Variants in STRN observed in about 807,000 individuals in gnomAD.
STRN encodes the protein protein phosphatase 2 regulatory subunit B'''alpha.
Under a neutral mutation model 96.3 loss-of-function variants are expected in STRN, and 53 were observed. The ratio of observed to expected loss-of-function variants is 0.55; its 90% CI spans 0.44 to 0.69. STRN has a LOEUF of 0.69. STRN is among the 30% of genes least tolerant of loss of function. The pLI is 0.00. For missense variants in STRN, 987 were observed against 963.9 expected (o/e 1.02, Z -0.32); for synonymous variants, 428 against 355.9 (o/e 1.20, Z -2.28).
intron 15 of STRN, among the ~76,000 whole-genome samples, chr2:36,853,371 G>A (rs911465389): frequency 2.0e-5 from 3 of 152,184 alleles, no homozygotes; most frequent in African/African-American, 7.2e-5. Context: ...TACTTTAAGT[G>A]AAATATCCCA....
chr2:36,846,749 T>A lies in STRN; in HGVS notation c.*2707A>T, dbSNP rs139591147. The A allele has an allele frequency of 8.7e-4, 133 of 152,114 alleles. No individual in the cohort carries two copies. Among genetic ancestry groups the A allele is most frequent in the African/African-American group, 3.0e-3 (126 of 41,504 alleles). 9.4% of individuals were successfully genotyped at this position (152,114 alleles called of 1,614,324 possible). A position where few individuals can be genotyped will look rare whatever the true frequency, so the allele number is the denominator to read the frequency against. On this transcript the variant is annotated 3_prime_UTR_variant, in exon 18 of 18. Coordinates refer to ENST00000263918, the MANE Select transcript of STRN (RefSeq NM_003162.4). ...AATACTGAAGGTCATTATATCACTT[T>A]TGTTAAATAATCTGTCTATGGTTTG...
rs757628093 is a variant in STRN at position 36,855,382 on chromosome 2, CAATTA to C, written c.1838-35_1838-31del. Reference sequence around the variant, plus strand: ...AAGAGAACATATTGAAATAGAATGGCAATTAAACCATCTACTTGACAATCTGCTTA... The same window carrying C: ...AAGAGAACATATTGAAATAGAATGGCAACCATCTACTTGACAATCTGCTTA... On this transcript the variant is annotated intron_variant, in intron 14 of 17. Transcript: ENST00000263918. 7 of 1,604,136 alleles carry C rather than the reference CAATTA, an allele frequency of 4.4e-6. No homozygotes were observed. In the East Asian group the frequency reaches 1.6e-4, roughly 36 times the overall value.
In STRN at chr2:36,924,128, G is replaced by C. The variant is rs1308527709; in HGVS notation, c.338+977C>G. 2.0e-5 allele frequency among the ~76,000 whole-genome samples: 3 copies of C among 151,994 alleles called. No homozygotes were observed. The East Asian group carries it at 5.8e-4, about 29-fold the overall frequency. On this transcript the variant is annotated intron_variant, in intron 2 of 17. Transcript: ENST00000263918. Reference sequence around the variant, plus strand: ...TCCCAGCACTTTGGGAGGCCGAGACGGGGGGATCACGAGGTCAGGAGATCA... The same window carrying C: ...TCCCAGCACTTTGGGAGGCCGAGACCGGGGGATCACGAGGTCAGGAGATCA...
At chr2:36,853,129 C>T (rs188472850) in intron 15 of STRN, among the ~76,000 whole-genome samples, 8 of 151,102 alleles carry the variant, frequency 5.3e-5, no homozygotes, top group Non-Finnish European at 1.0e-4. Context: ...TGCACTCCAG[C>T]CTGGGCAACA....
chr2:36,870,923 T>A (rs1217118339), intron 10 of STRN, among the ~76,000 whole-genome samples: 2 of 152,090 alleles, frequency 1.3e-5, no homozygotes, highest in Non-Finnish European at 2.9e-5. Context: ...TGACCCTGTA[T>A]AGGCCTAGGT....
At chr2:36,935,161 C>T (rs1393883049) in intron 1 of STRN, among the ~76,000 whole-genome samples, 1 of 152,174 alleles carries the variant, frequency 6.6e-6, no homozygotes, top group Non-Finnish European at 1.5e-5. Context: ...CCTGAACATT[C>T]CCAGCTCCAT....
At chr2:36,888,862 T>G (rs1669313373) in intron 7 of STRN, among the ~76,000 whole-genome samples, 1 of 151,998 alleles carries the variant, frequency 6.6e-6, no homozygotes, top group Admixed American at 6.6e-5. Context: ...TAAAAAATTT[T>G]TTGTAGAGAT....
At chr2:36,890,313 T>C (rs1558639582) in intron 7 of STRN, among the ~76,000 whole-genome samples, 5 of 152,058 alleles carry the variant, frequency 3.3e-5, no homozygotes. Flanking sequence ...GTATCTTTTA[T>C]TTACTACAAA....
rs34746648 is a variant in STRN at position 36,941,716 on chromosome 2, A to AT, written c.235-16509dup. Among the ~76,000 whole-genome samples, 666 of 134,828 alleles carry AT rather than the reference A, an allele frequency of 4.9e-3. 6 individuals carry two copies. The highest frequency in any genetic ancestry group is 0.014 in the South Asian group (61 of 4,264). The allele number at this position is 134,828 out of a possible 152,430, so 88.5% of individuals were successfully genotyped here. A position where few individuals can be genotyped will look rare whatever the true frequency, so the allele number is the denominator to read the frequency against. On this transcript the variant is annotated intron_variant, in intron 1 of 17. Coordinates refer to ENST00000263918, the MANE Select transcript of STRN (RefSeq NM_003162.4). Reference sequence around the variant, plus strand: ...AGGCGCCTGCCACCCCACCCAGCTAATTTTTTTTTTTTTTTTTAGTGGAGA... The same window carrying AT: ...AGGCGCCTGCCACCCCACCCAGCTAATTTTTTTTTTTTTTTTTTAGTGGAGA...
intron 2 of STRN, among the ~76,000 whole-genome samples, chr2:36,924,132 G>T (rs1373633464): frequency 6.6e-6 from 1 of 152,058 alleles, no homozygotes; most frequent in East Asian, 1.9e-4. Context: ...CGAGACGGGG[G>T]GATCACGAGG....
chr2:36,861,234 C>CGGT lies in STRN; in HGVS notation c.1566_1567insACC (p.Val522_Val523insThr). The stretch of plus-strand genomic sequence containing the variant: ...CACTGCTCACCATTGCTGCTCATTA[C>CGGT]CACACAAAGCACTGGACCTCTGGGA... On this transcript the variant is annotated inframe_insertion, in exon 13 of 18. Transcript: ENST00000263918. The CGGT allele has an allele frequency of 6.2e-7, 1 of 1,613,880 alleles. No individual in the cohort carries two copies. The highest frequency in any genetic ancestry group is 8.5e-7 in the Non-Finnish European group (1 of 1,179,910).
At chr2:36,897,210 T>C (rs1669564596) in intron 6 of STRN, among the ~76,000 whole-genome samples, 1 of 151,948 alleles carries the variant, frequency 6.6e-6, no homozygotes, top group African/African-American at 2.4e-5. Context: ...TTTTTAAAAC[T>C]TGTTCTACTT....
chr2:36,917,696 C>T, intron 2 of STRN, among the ~76,000 whole-genome samples: 1 of 151,748 alleles, frequency 6.6e-6, no homozygotes, highest in African/African-American at 2.4e-5. Context: ...TCTAAGAAAA[C>T]CTATGAAAAT....
chr2:36,932,815 G>A (rs1043819180), intron 1 of STRN, among the ~76,000 whole-genome samples: 3 of 151,958 alleles, frequency 2.0e-5, no homozygotes, highest in Admixed American at 6.6e-5. Context: ...ATAGATTTTC[G>A]TATACAGAAA....
chr2:36,844,729 G>A lies in STRN; in HGVS notation c.*4727C>T, dbSNP rs923230863. On this transcript the variant is annotated 3_prime_UTR_variant, in exon 18 of 18. Transcript: ENST00000263918. Reference sequence around the variant, plus strand: ...ACTGAAAGGATCTGTTAAATACTTTGTCAACCTGGCATCCCTGACACTGAC... The same window carrying A: ...ACTGAAAGGATCTGTTAAATACTTTATCAACCTGGCATCCCTGACACTGAC... 5 of 152,060 alleles carry A rather than the reference G, an allele frequency of 3.3e-5. No homozygotes were observed. Among genetic ancestry groups the A allele is most frequent in the Non-Finnish European group, 5.9e-5 (4 of 67,994 alleles). 9.4% of individuals were successfully genotyped at this position (152,060 alleles called of 1,614,324 possible).
chr2:36,881,647 A>G (rs1669073548), intron 9 of STRN, among the ~76,000 whole-genome samples: 1 of 152,226 alleles, frequency 6.6e-6, no homozygotes, highest in South Asian at 2.1e-4. Flanking sequence ...TAAGTTAAAC[A>G]AACATTCAAT....
chr2:36,888,495 T>A (rs377326159), intron 7 of STRN, among the ~76,000 whole-genome samples: 9 of 152,196 alleles, frequency 5.9e-5, no homozygotes, highest in African/African-American at 2.2e-4. Flanking sequence ...ATGCTGCTAC[T>A]ATCTTAAGGC....
Position 36,847,750 on chromosome 2 carries a change from T to C in STRN, c.*1706A>G, listed in dbSNP as rs1167046142. 1.3e-5 allele frequency: 2 copies of C among 152,136 alleles called. No homozygotes were observed. The highest frequency in any genetic ancestry group is 2.4e-5 in the African/African-American group (1 of 41,430). The allele number at this position is 152,136 out of a possible 1,614,324, so 9.4% of individuals were successfully genotyped here. On this transcript the variant is annotated 3_prime_UTR_variant, in exon 18 of 18. Transcript: ENST00000263918. ...CAAACAGGCAGAAATTTTACAGAAA[T>C]ATTTGTCAATCATTAGCCACACCAC... is the stretch of plus-strand genomic sequence containing the variant.
At chr2:36,946,416 A>C (rs1670986555) in intron 1 of STRN, among the ~76,000 whole-genome samples, 1 of 152,214 alleles carries the variant, frequency 6.6e-6, no homozygotes, top group South Asian at 2.1e-4. Context: ...CTAGTAATAA[A>C]ACCTACAAAT....
Sources: gnomAD v4.1 joint callset for allele counts (sites outside exome capture counted in the v4.1 genomes callset) on GRCh38, gnomAD v4.1.1 for gene constraint, MANE v1.5 for transcripts, NCBI Gene and HGNC (gene_info 2026-07-23, HGNC 2026-07-21) for gene names.